Variants in ABCB5 observed in about 807,000 individuals in gnomAD.
ABCB5 encodes ATP-binding cassette sub-family B member 5.
Under a neutral mutation model 144.2 loss-of-function variants are expected in ABCB5, and 155 were observed. That is an observed-to-expected ratio of 1.08 (90% confidence interval 0.94 to 1.23). ABCB5 has a LOEUF of 1.23. Among genes scored for constraint, ABCB5 ranks in the 50% most tolerant of loss-of-function variants. ABCB5 has a pLI of 0.00. For synonymous variants in ABCB5, 610 were observed against 528.6 expected (o/e 1.15, Z -2.11); for missense variants, 1,830 against 1,520.8 (o/e 1.20, Z -3.38).
intron 2 of ABCB5, 66 bp downstream of exon 2, chr7:20,623,404 C>A (rs1389895207): frequency 1.6e-6 from 2 of 1,261,556 alleles, no homozygotes; most frequent in Non-Finnish European, 2.2e-6. Context: ...CCTTTCCACA[C>A]CTATAGCAAA....
intron 15 of ABCB5, among the ~76,000 whole-genome samples, chr7:20,682,589 A>C (rs1206458996): frequency 6.6e-6 from 1 of 152,164 alleles, no homozygotes; most frequent in Non-Finnish European, 1.5e-5. Flanking sequence ...GGTATAATGG[A>C]AAAGAGTTGG....
At chr7:20,653,055 A>AAC (rs1295163910) in intron 13 of ABCB5, among the ~76,000 whole-genome samples, 2 of 152,202 alleles carry the variant, frequency 1.3e-5, no homozygotes, top group Non-Finnish European at 2.9e-5. Flanking sequence ...AATCTTTGGG[A>AAC]ACACACATTT....
At position 20,658,383 on chromosome 7, in the gene ABCB5, G is replaced by T. The variant is rs187729906; in HGVS notation, c.1537-123G>T. 1.4e-3 allele frequency: 1,013 copies of T among 730,980 alleles called. 24 individuals are homozygous for T. In the Admixed American group the frequency reaches 0.032, roughly 23 times the overall value. The allele number at this position is 730,980 out of a possible 1,614,324, so 45.3% of individuals were successfully genotyped here. A position where few individuals can be genotyped will look rare whatever the true frequency, so the allele number is the denominator to read the frequency against. On this transcript the variant is annotated intron_variant, in intron 13 of 27. Coordinates refer to ENST00000404938, the MANE Select transcript of ABCB5 (RefSeq NM_001163941.2). Reference sequence around the variant, plus strand: ...ACAAAGAACAAATCAAAAGACATAAGCACCCAGAGGCTGAAGTACTGATTA... The same window carrying T: ...ACAAAGAACAAATCAAAAGACATAATCACCCAGAGGCTGAAGTACTGATTA...
chr7:20,743,205 T>C, intron 25 of ABCB5, 131 bp downstream of exon 25: 1 of 931,468 alleles, frequency 1.1e-6, no homozygotes, highest in South Asian at 1.7e-5. Flanking sequence ...AAAAAATCTC[T>C]GTGTCAACCC....
intron 3 of ABCB5, among the ~76,000 whole-genome samples, chr7:20,627,099 C>A (rs2128017867): frequency 1.3e-5 from 2 of 152,208 alleles, no homozygotes; most frequent in South Asian, 4.1e-4. Flanking sequence ...TGTGTCTGTA[C>A]ACTTCTTTGA....
chr7:20,729,662 T>A (rs1782146541), intron 23 of ABCB5, among the ~76,000 whole-genome samples: 1 of 152,228 alleles, frequency 6.6e-6, no homozygotes, highest in Non-Finnish European at 1.5e-5. Flanking sequence ...TAATCCATCA[T>A]AAACGTCATT....
At chr7:20,684,449 G>C (rs1209331806) in intron 15 of ABCB5, among the ~76,000 whole-genome samples, 1 of 152,078 alleles carries the variant, frequency 6.6e-6, no homozygotes, top group African/African-American at 2.4e-5. Flanking sequence ...AACTCCTGGG[G>C]GCAGGGGAGA....
At chr7:20,620,475 A>G (rs986265673) in intron 1 of ABCB5, among the ~76,000 whole-genome samples, 3 of 152,198 alleles carry the variant, frequency 2.0e-5, no homozygotes, top group Non-Finnish European at 4.4e-5. Context: ...TCCACATAAT[A>G]AAACAAAATA....
chr7:20,630,437 A>C (rs1784013682), intron 4 of ABCB5, among the ~76,000 whole-genome samples: 1 of 152,136 alleles, frequency 6.6e-6, no homozygotes, highest in East Asian at 1.9e-4. Flanking sequence ...TAAACTCAAA[A>C]GTAAATCTTT....
intron 23 of ABCB5, among the ~76,000 whole-genome samples, chr7:20,730,522 T>C (rs1782175048): frequency 6.6e-6 from 1 of 152,100 alleles, no homozygotes; most frequent in Non-Finnish European, 1.5e-5. Context: ...AAATTTAAAA[T>C]AAAATTTCAA....
intron 27 of ABCB5, among the ~76,000 whole-genome samples, chr7:20,754,884 T>G (rs73265734): frequency 6.7e-4 from 102 of 152,314 alleles, no homozygotes; most frequent in African/African-American, 2.3e-3. Context: ...AACAACTATT[T>G]CATTTTTATT....
intron 25 of ABCB5, among the ~76,000 whole-genome samples, chr7:20,743,990 C>T (rs1423339009): frequency 6.6e-6 from 1 of 152,058 alleles, no homozygotes; most frequent in Non-Finnish European, 1.5e-5. Flanking sequence ...CCACTCCAAG[C>T]TCCTCTCATA....
rs1402782194 is a variant in ABCB5 at position 20,745,453 on chromosome 7, GA to G, written c.3429+18del. ...GTCTCCCTGAGGTAAGAAAATTTCT[GA>G]AATCTTGAATTATAAAGCTGCCAAG... On this transcript the variant is annotated intron_variant, in intron 26 of 27. Transcript: ENST00000404938. The G allele has an allele frequency of 1.2e-6, 2 of 1,613,202 alleles. No homozygotes were observed. The highest frequency in any genetic ancestry group is 8.5e-7 in the Non-Finnish European group (1 of 1,179,634).
intron 7 of ABCB5, among the ~76,000 whole-genome samples, chr7:20,645,460 T>C (rs1784380751): frequency 1.3e-5 from 2 of 152,214 alleles, no homozygotes; most frequent in Non-Finnish European, 2.9e-5. Flanking sequence ...CTGTTCCCTT[T>C]TGTGGAACTG....
intron 14 of ABCB5, chr7:20,666,702 A>G: frequency 6.4e-7 from 1 of 1,569,534 alleles, no homozygotes. Context: ...AGCTTTGTGT[A>G]ATCTGTGAAG....
rs148352713 is a variant in ABCB5 at position 20,729,219 on chromosome 7, G to T, written c.2867+764G>T. ...GATACTGATATAAGGCATAAAATCT[G>T]AATTAAATTCCCAGATGAATTGCTC... On this transcript the variant is annotated intron_variant, in intron 23 of 27. Transcript: ENST00000404938. 5.9e-3 allele frequency among the ~76,000 whole-genome samples: 902 copies of T among 152,238 alleles called. 4 individuals carry two copies. The highest frequency in any genetic ancestry group is 0.021 in the African/African-American group (864 of 41,528).
intron 16 of ABCB5, among the ~76,000 whole-genome samples, chr7:20,688,901 G>A (rs1413316120): frequency 1.3e-5 from 2 of 152,014 alleles, no homozygotes; most frequent in South Asian, 4.2e-4. Flanking sequence ...CTCACTCATA[G>A]GTGGGAATTG....
chr7:20,675,838 C>A (rs975274565), intron 14 of ABCB5, among the ~76,000 whole-genome samples: 1 of 151,876 alleles, frequency 6.6e-6, no homozygotes, highest in Non-Finnish European at 1.5e-5. Context: ...GAATAAATAA[C>A]CTGATTTAAA....
chr7:20,665,765 A>T (rs1785163454), intron 14 of ABCB5, among the ~76,000 whole-genome samples: 1 of 137,108 alleles, frequency 7.3e-6, no homozygotes, highest in African/African-American at 2.6e-5. Flanking sequence ...ATAGATAGAT[A>T]GAGATACATA....
Sources: allele counts gnomAD v4.1 joint callset (sites outside exome capture counted in the v4.1 genomes callset), GRCh38; gene constraint gnomAD v4.1.1; transcripts MANE v1.5; gene names NCBI Gene and HGNC (gene_info 2026-07-23, HGNC 2026-07-21).